LGSN: variants seen among roughly 807,000 people sequenced by gnomAD.
LGSN encodes lengsin.
LGSN carries 21 observed loss-of-function variants against 19.5 expected under a neutral mutation model. The observed-to-expected ratio is 1.07, with a 90% confidence interval of 0.76 to 1.55. The LOEUF is 1.55. Ranked by LOEUF, LGSN falls within the 40% of genes most tolerant of loss-of-function variation. The pLI, the probability that LGSN is intolerant of heterozygous loss-of-function variation, is 0.00. For missense variants in LGSN, 673 were observed against 608.5 expected (o/e 1.11, Z -1.12); for synonymous variants, 257 against 215.6 (o/e 1.19, Z -1.68).
At chr6:63,426,996 A>G in the LGSN span, among the ~76,000 whole-genome samples, 1 of 152,030 alleles carries the variant, frequency 6.6e-6, no homozygotes, top group African/African-American at 2.4e-5. Flanking sequence ...AGGACAATCA[A>G]ATAAATAATT....
At chr6:63,299,546 G>A (rs181404309) in intron 1 of LGSN, among the ~76,000 whole-genome samples, 39 of 152,208 alleles carry the variant, frequency 2.6e-4, no homozygotes, top group African/African-American at 9.2e-4. Flanking sequence ...AAATTTTAGG[G>A]TTTTCTAGCT....
the LGSN span, among the ~76,000 whole-genome samples, chr6:63,547,798 A>T: frequency 6.6e-6 from 1 of 151,884 alleles, no homozygotes; most frequent in Non-Finnish European, 1.5e-5. Flanking sequence ...GGCGTGAGCC[A>T]CTGCGCCCGG....
the LGSN span, among the ~76,000 whole-genome samples, chr6:63,522,265 T>C: frequency 6.6e-6 from 1 of 152,232 alleles, no homozygotes; most frequent in African/African-American, 2.4e-5. Flanking sequence ...TTCTGTTACT[T>C]ATTTGAATTT....
intron 2 of LGSN, 110 bp from the exon 3 acceptor site, chr6:63,285,863 A>AATGTT: frequency 1.3e-6 from 1 of 785,862 alleles, no homozygotes; most frequent in Non-Finnish European, 2.0e-6. Context: ...AACATTATAT[A>AATGTT]TTCATCATGT....
chr6:63,303,490 T>G (rs554204341), intron 1 of LGSN, among the ~76,000 whole-genome samples: 1 of 152,216 alleles, frequency 6.6e-6, no homozygotes, highest in Admixed American at 6.5e-5. Flanking sequence ...CTGAATTGTC[T>G]TGGTCAAAGG....
the LGSN span, among the ~76,000 whole-genome samples, chr6:63,361,074 G>T: frequency 9.9e-5 from 15 of 152,226 alleles, no homozygotes; most frequent in Non-Finnish European, 1.9e-4. Flanking sequence ...CTACTGGGGG[G>T]TGCCTCCCAG....
At chr6:63,567,062 T>G in the LGSN span, among the ~76,000 whole-genome samples, 1 of 152,208 alleles carries the variant, frequency 6.6e-6, no homozygotes, top group Non-Finnish European at 1.5e-5. Context: ...CTAACTCCAA[T>G]TGTCTTGCTA....
the LGSN span, among the ~76,000 whole-genome samples, chr6:63,475,144 G>A: frequency 6.6e-6 from 1 of 152,120 alleles, no homozygotes; most frequent in Non-Finnish European, 1.5e-5. Flanking sequence ...ATTTGTTTTA[G>A]GATGCAGAAA....
At chr6:63,377,775 G>A in the LGSN span, among the ~76,000 whole-genome samples, 5 of 151,732 alleles carry the variant, frequency 3.3e-5, no homozygotes, top group Middle Eastern at 3.4e-3. Context: ...TTATCAGGGC[G>A]TGGTGGTGTG....
chr6:63,484,477 T>G, the LGSN span, among the ~76,000 whole-genome samples: 1 of 151,704 alleles, frequency 6.6e-6, no homozygotes, highest in African/African-American at 2.4e-5. Context: ...TGAGCCAAGA[T>G]AGCGCCACTA....
the LGSN span, among the ~76,000 whole-genome samples, chr6:63,433,802 C>T: frequency 1.3e-5 from 2 of 152,048 alleles, no homozygotes; most frequent in African/African-American, 4.8e-5. Flanking sequence ...TTTGAGAATC[C>T]CCTTTTCTGC....
chr6:63,454,943 C>T, the LGSN span, among the ~76,000 whole-genome samples: 3 of 151,866 alleles, frequency 2.0e-5, no homozygotes, highest in Non-Finnish European at 2.9e-5. Context: ...CAGGCACCTG[C>T]CACCACGCCC....
At chr6:63,282,363 C>T (rs1447750079) in intron 3 of LGSN, among the ~76,000 whole-genome samples, 1 of 152,112 alleles carries the variant, frequency 6.6e-6, no homozygotes, top group African/African-American at 2.4e-5. Flanking sequence ...CTTTCTTTCT[C>T]TTTTTTTCCC....
the LGSN span, among the ~76,000 whole-genome samples, chr6:63,364,898 A>G: frequency 6.6e-6 from 1 of 152,244 alleles, no homozygotes; most frequent in East Asian, 1.9e-4. Context: ...GAGAACAAAG[A>G]CACAACATAT....
At chr6:63,559,596 T>G in the LGSN span, among the ~76,000 whole-genome samples, 2 of 151,868 alleles carry the variant, frequency 1.3e-5, no homozygotes, top group Admixed American at 1.3e-4. Flanking sequence ...AATACAAAAA[T>G]TAGCCAGGCA....
chr6:63,441,455 G>T, the LGSN span: 1 of 448,062 alleles, frequency 2.2e-6, no homozygotes, highest in Non-Finnish European at 4.4e-6. Context: ...AAGGTGGCAG[G>T]TGATTGCTTG....
the LGSN span, among the ~76,000 whole-genome samples, chr6:63,336,561 GTA>G: frequency 3.6e-3 from 460 of 127,568 alleles, 3 homozygotes; most frequent in South Asian, 9.9e-3. Context: ...GTGTGTGTGT[GTA>G]TATATATATA....
chr6:63,413,711 T>A, the LGSN span, among the ~76,000 whole-genome samples: 37 of 152,288 alleles, frequency 2.4e-4, no homozygotes, highest in East Asian at 5.2e-3. Context: ...TTACAAATAA[T>A]TGAGTTACTT....
At chr6:63,333,745 T>A in the LGSN span, among the ~76,000 whole-genome samples, 4 of 151,974 alleles carry the variant, frequency 2.6e-5, no homozygotes, top group African/African-American at 7.3e-5. Flanking sequence ...ACTGGCAAAC[T>A]CAATCCAACA....
Sources: allele counts gnomAD v4.1 joint callset (sites outside exome capture counted in the v4.1 genomes callset), GRCh38; gene constraint gnomAD v4.1.1; transcripts MANE v1.5; gene names NCBI Gene and HGNC (gene_info 2026-07-23, HGNC 2026-07-21).